SLC35F4: variants seen among roughly 807,000 people sequenced by gnomAD.
SLC35F4 encodes chromosome 14 open reading frame 36.
In SLC35F4, 24 loss-of-function variants were observed where a neutral mutation model predicts 44.2. The observed-to-expected ratio is 0.54, with a 90% confidence interval of 0.39 to 0.76. The LOEUF is 0.76. Ranked by LOEUF, SLC35F4 falls within the 30% of genes least tolerant of loss-of-function variation. The pLI is 0.00. For missense variants in SLC35F4, 562 were observed against 586.1 expected (o/e 0.96, Z 0.42); for synonymous variants, 238 against 223.6 (o/e 1.06, Z -0.57).
chr14:57,954,953 A>G (rs1258567580), intron 1 of SLC35F4, among the ~76,000 whole-genome samples: 4 of 151,168 alleles, frequency 2.6e-5, no homozygotes, highest in Non-Finnish European at 5.9e-5. Context: ...CTGATTAAAA[A>G]AAAAAAAAAA....
intron 1 of SLC35F4, among the ~76,000 whole-genome samples, chr14:57,950,972 A>G (rs1890129228): frequency 6.6e-6 from 1 of 151,928 alleles, no homozygotes; most frequent in Non-Finnish European, 1.5e-5. Flanking sequence ...GCCTGGATAG[A>G]CTGTTTCTTA....
intron 1 of SLC35F4, among the ~76,000 whole-genome samples, chr14:57,962,803 C>G (rs1219841238): frequency 3.3e-5 from 5 of 152,218 alleles, no homozygotes; most frequent in Admixed American, 2.0e-4. Context: ...CCTGCTCTCC[C>G]TCCCTGCTGC....
chr14:57,586,432 A>G (rs2069726157), intron 3 of SLC35F4, among the ~76,000 whole-genome samples: 1 of 152,010 alleles, frequency 6.6e-6, no homozygotes, highest in Non-Finnish European at 1.5e-5. Flanking sequence ...AGACTTCATG[A>G]CTAGGCCAGG....
intron 1 of SLC35F4, among the ~76,000 whole-genome samples, chr14:57,767,851 T>C (rs1028175600): frequency 2.0e-5 from 3 of 152,164 alleles, no homozygotes; most frequent in Middle Eastern, 3.4e-3. Flanking sequence ...CCTTCAGCCA[T>C]TAAAAGAATA....
intron 1 of SLC35F4, among the ~76,000 whole-genome samples, chr14:57,773,396 T>C (rs1040890934): frequency 6.6e-6 from 1 of 152,218 alleles, no homozygotes; most frequent in Non-Finnish European, 1.5e-5. Context: ...ATCTATTCCA[T>C]TGAGATCTTA....
At chr14:57,657,119 G>A (rs547130157) in intron 1 of SLC35F4, among the ~76,000 whole-genome samples, 5 of 152,296 alleles carry the variant, frequency 3.3e-5, no homozygotes, top group Admixed American at 2.6e-4. Flanking sequence ...TGACTCAAAC[G>A]CCTTTTGTTT....
chr14:57,689,341 T>C (rs1212437867), intron 1 of SLC35F4, among the ~76,000 whole-genome samples: 1 of 152,138 alleles, frequency 6.6e-6, no homozygotes, highest in Non-Finnish European at 1.5e-5. Context: ...TTTTAGCTCA[T>C]TGTTACTGGC....
chr14:57,837,384 C>T (rs1885040588), intron 1 of SLC35F4: 1 of 152,210 alleles, frequency 6.6e-6, no homozygotes, highest in African/African-American at 2.4e-5. Context: ...CCACAACTTA[C>T]TGAGCCACTT....
chr14:57,575,357 T>C (rs1391796139), intron 4 of SLC35F4, among the ~76,000 whole-genome samples: 3 of 152,186 alleles, frequency 2.0e-5, no homozygotes, highest in Admixed American at 2.0e-4. Flanking sequence ...GGCACATGCC[T>C]GTAATACCGG....
intron 1 of SLC35F4, among the ~76,000 whole-genome samples, chr14:57,835,010 C>G (rs6573172): frequency 0.43 from 65,795 of 152,136 alleles, 17,736 homozygotes; most frequent in African/African-American, 0.75. Flanking sequence ...GCCTGGGTAA[C>G]AGAGGGAGAC....
chr14:57,778,359 CA>C (rs1442684273), intron 1 of SLC35F4, among the ~76,000 whole-genome samples: 1 of 151,926 alleles, frequency 6.6e-6, no homozygotes, highest in East Asian at 1.9e-4. Context: ...TTTAAACCAA[CA>C]AAGATCAAAA....
At chr14:57,796,590 G>C (rs963014658) in intron 1 of SLC35F4, among the ~76,000 whole-genome samples, 10 of 152,144 alleles carry the variant, frequency 6.6e-5, no homozygotes, top group African/African-American at 2.4e-4. Context: ...GAGCAGAGTA[G>C]GTAGTGAAAG....
At chr14:57,647,389 G>C (rs1308442824) in intron 1 of SLC35F4, among the ~76,000 whole-genome samples, 1 of 152,000 alleles carries the variant, frequency 6.6e-6, no homozygotes, top group Non-Finnish European at 1.5e-5. Flanking sequence ...GGCCTTCTTT[G>C]TCTCTTTTGA....
intron 1 of SLC35F4, among the ~76,000 whole-genome samples, chr14:57,879,877 T>C (rs1888481034): frequency 1.3e-5 from 2 of 151,068 alleles, no homozygotes; most frequent in Admixed American, 1.3e-4. Context: ...TAAAACTCTA[T>C]ATTTAGCACA....
At chr14:57,915,570 G>A (rs1298060748) in intron 1 of SLC35F4, among the ~76,000 whole-genome samples, 1 of 152,134 alleles carries the variant, frequency 6.6e-6, no homozygotes, top group Non-Finnish European at 1.5e-5. Flanking sequence ...CTACTTAGAT[G>A]TGACTTCCAC....
intron 1 of SLC35F4, among the ~76,000 whole-genome samples, chr14:57,960,898 A>G (rs1390757943): frequency 6.6e-6 from 1 of 152,150 alleles, no homozygotes; most frequent in Admixed American, 6.5e-5. Context: ...CTCACCTTGA[A>G]CAAGTGTGTA....
At chr14:57,869,057 T>G (rs1037412895), upstream of SLC35F4, among the ~76,000 whole-genome samples, 2 of 152,210 alleles carry the variant, frequency 1.3e-5, no homozygotes, top group Non-Finnish European at 1.5e-5. Flanking sequence ...CAGGAATTTT[T>G]TAATGCATCA....
intron 1 of SLC35F4, among the ~76,000 whole-genome samples, chr14:57,824,274 T>G (rs1322377062): frequency 6.6e-6 from 1 of 152,144 alleles, no homozygotes; most frequent in Non-Finnish European, 1.5e-5. Flanking sequence ...ATTCAGTATT[T>G]AATCGACAAA....
chr14:57,741,408 G>A (rs2076604076), intron 1 of SLC35F4, among the ~76,000 whole-genome samples: 1 of 152,180 alleles, frequency 6.6e-6, no homozygotes. Context: ...ACCTGATGGA[G>A]CTGAAAACCA....
Sources: gnomAD v4.1 joint callset for allele counts (sites outside exome capture counted in the v4.1 genomes callset) on GRCh38, gnomAD v4.1.1 for gene constraint, MANE v1.5 for transcripts, NCBI Gene and HGNC (gene_info 2026-07-23, HGNC 2026-07-21) for gene names.